Variants in KCND3 observed in about 807,000 individuals in gnomAD.
KCND3 encodes potassium voltage-gated channel subfamily D member 3.
Under a neutral mutation model 51.1 loss-of-function variants are expected in KCND3, and 9 were observed. The ratio of observed to expected loss-of-function variants is 0.18; its 90% CI spans 0.11 to 0.31. The LOEUF (loss-of-function observed/expected upper bound fraction) is 0.31, where lower values mean the gene tolerates loss of function less well. Ranked by LOEUF, KCND3 falls within the 10% of genes least tolerant of loss-of-function variation. The pLI is 1.00. For missense variants in KCND3, 526 were observed against 903.8 expected (o/e 0.58, Z 5.36); for synonymous variants, 349 against 368.0 (o/e 0.95, Z 0.59).
At chr1:111,980,843 C>T (rs1359829298) in intron 2 of KCND3, among the ~76,000 whole-genome samples, 5 of 152,228 alleles carry the variant, frequency 3.3e-5, no homozygotes, top group East Asian at 3.9e-4. Context: ...CTCGGAGAGA[C>T]GGAATTACCA....
At chr1:111,889,238 G>A (rs1221127649) in intron 2 of KCND3, among the ~76,000 whole-genome samples, 2 of 152,192 alleles carry the variant, frequency 1.3e-5, no homozygotes, top group Admixed American at 6.5e-5. Flanking sequence ...GACAGACACC[G>A]CAGCCTTGCC....
At position 111,982,630 on chromosome 1, in the gene KCND3, C is replaced by CGGCCGG; in HGVS notation, c.91_96dup (p.Pro31_Ala32dup). On this transcript the variant is annotated inframe_insertion, in exon 2 of 8. Transcript: ENST00000302127. The surrounding 1 kb of genome is among the most constrained non-coding windows in gnomAD (Gnocchi z 8.5). ...AGCTCATCCTGCCGCTTGTTCTTGT[C>CGGCCGG]GGCCGGGGCCAGGGGCATGGGGCAG... 1 of 1,613,844 alleles carries CGGCCGG rather than the reference C, an allele frequency of 6.2e-7. No individual in the cohort carries two copies. The highest frequency in any genetic ancestry group is 1.1e-5 in the South Asian group (1 of 91,062).
At chr1:111,799,031 C>T (rs373949782) in intron 2 of KCND3, among the ~76,000 whole-genome samples, 3 of 152,160 alleles carry the variant, frequency 2.0e-5, no homozygotes, top group Admixed American at 6.5e-5. Context: ...GGAGATGGAA[C>T]CTTGGGCTAA....
chr1:111,894,696 G>T (rs1382306581), intron 2 of KCND3, among the ~76,000 whole-genome samples: 1 of 152,240 alleles, frequency 6.6e-6, no homozygotes, highest in African/African-American at 2.4e-5. Context: ...GCTGCAAATG[G>T]CAGGGTCATC....
intron 2 of KCND3, among the ~76,000 whole-genome samples, chr1:111,961,962 G>A (rs952122084): frequency 3.9e-5 from 6 of 152,120 alleles, no homozygotes; most frequent in Non-Finnish European, 5.9e-5. Context: ...TCTCTGGCCC[G>A]AGTTGCTGGC....
At chr1:111,978,205 GC>G in intron 2 of KCND3, among the ~76,000 whole-genome samples, 1 of 152,356 alleles carries the variant, frequency 6.6e-6, no homozygotes, top group East Asian at 1.9e-4. Context: ...TGCTGGGAAA[GC>G]AGGCAGAGAG....
chr1:111,979,738 GT>G (rs1264253776), intron 2 of KCND3, among the ~76,000 whole-genome samples: 1 of 152,218 alleles, frequency 6.6e-6, no homozygotes, highest in Non-Finnish European at 1.5e-5. Flanking sequence ...TTGCAGGGCT[GT>G]TGTAAAAACT....
At chr1:111,783,622 G>A (rs1664481427) in intron 3 of KCND3, among the ~76,000 whole-genome samples, 1 of 152,216 alleles carries the variant, frequency 6.6e-6, no homozygotes, top group South Asian at 2.1e-4. Flanking sequence ...AAGAGAAAGA[G>A]AAAGAAATGG....
Position 111,777,186 on chromosome 1 carries a change from G to T in KCND3, c.1606C>A (p.Leu536Met). The stretch of plus-strand genomic sequence containing the variant: ...GTAGTGAGGCCTGGGTGGCTGGACA[G>T]TGAGGGACTTCTTGTGGATGGGTAG... ...QNYPSTRSPS[L>M]SSHPGLTTTC... The change falls in exon 7 of 8, where the codon CTG (leucine) becomes ATG (methionine). Residue 536 changes from leucine (L) to methionine (M), a missense_variant. By Grantham distance (15) the Leu-to-Met change is conservative (BLOSUM62 2). Transcript: ENST00000302127. 6.2e-7 allele frequency: 1 copy of T among 1,614,244 alleles called. No individual in the cohort carries two copies. Among genetic ancestry groups the T allele is most frequent in the Non-Finnish European group, 8.5e-7 (1 of 1,180,044 alleles).
intron 2 of KCND3, among the ~76,000 whole-genome samples, chr1:111,976,944 G>A (rs1334221144): frequency 6.6e-6 from 1 of 152,226 alleles, no homozygotes. Flanking sequence ...AGTGTTGAAC[G>A]AATGAAAGAT....
intron 2 of KCND3, among the ~76,000 whole-genome samples, chr1:111,840,855 C>A (rs1217154455): frequency 6.6e-6 from 1 of 152,166 alleles, no homozygotes; most frequent in African/African-American, 2.4e-5. Context: ...GCTTCCCATC[C>A]CTGCTCTTTT....
At chr1:111,822,197 C>A (rs961073119) in intron 2 of KCND3, among the ~76,000 whole-genome samples, 12 of 151,656 alleles carry the variant, frequency 7.9e-5, no homozygotes, top group Non-Finnish European at 2.9e-5. Context: ...ATATGTTTGT[C>A]GTGTAAGCAA....
At position 111,780,893 on chromosome 1, in the gene KCND3, G is replaced by T; in HGVS notation, c.1270-102C>A. On this transcript the variant is annotated intron_variant, in intron 3 of 7. Transcript: ENST00000302127. The surrounding 1 kb of genome is among the most constrained non-coding windows in gnomAD (Gnocchi z 4.2). ...GCTGGCTTCCCAGGTGACACCTGAT[G>T]AAGGGGATGAGGCTGTTTCTCTCCA... The T allele has an allele frequency of 2.2e-6, 2 of 897,750 alleles. No individual in the cohort carries two copies. The highest frequency in any genetic ancestry group is 3.6e-6 in the Non-Finnish European group (2 of 560,406). 55.6% of individuals were successfully genotyped at this position (897,750 alleles called of 1,614,324 possible).
At chr1:111,969,074 C>T (rs769690714) in intron 2 of KCND3, among the ~76,000 whole-genome samples, 8 of 151,820 alleles carry the variant, frequency 5.3e-5, no homozygotes, top group Non-Finnish European at 1.0e-4. Context: ...CCATTTCCTT[C>T]TTTTTTGTTT....
At chr1:111,785,051 AAATAAT>A (rs979993314) in intron 3 of KCND3, among the ~76,000 whole-genome samples, 1 of 152,032 alleles carries the variant, frequency 6.6e-6, no homozygotes, top group African/African-American at 2.4e-5. Context: ...CCCATCTCTA[AAATAAT>A]AATAATAATA....
In KCND3 at chr1:111,797,373, C is replaced by T. The variant is rs141568513; in HGVS notation, c.1107-10267G>A. Among the ~76,000 whole-genome samples, 230 of 152,272 alleles carry T rather than the reference C, an allele frequency of 1.5e-3. 3 individuals are homozygous for T. The East Asian group carries it at 0.03, about 20-fold the overall frequency. ...CCTGTTCATCCAGAGGGATTCCCTG[C>T]GCACTGTCTACTCCACCTACCCATA... On this transcript the variant is annotated intron_variant, in intron 2 of 7. Coordinates refer to ENST00000302127, the MANE Select transcript of KCND3 (RefSeq NM_001378969.1).
chr1:111,954,360 G>A (rs1242495531), intron 2 of KCND3, among the ~76,000 whole-genome samples: 1 of 152,162 alleles, frequency 6.6e-6, no homozygotes, highest in Admixed American at 6.5e-5. Flanking sequence ...GGCAGAGCCA[G>A]GGGATAGGAG....
At chr1:111,907,058 C>T (rs569862064) in intron 2 of KCND3, among the ~76,000 whole-genome samples, 29 of 152,320 alleles carry the variant, frequency 1.9e-4, no homozygotes, top group Non-Finnish European at 7.3e-5. Context: ...TCATTTCCCC[C>T]CTACTGTCCC....
rs1571757567 is a variant in KCND3, at chr1:111,862,251, G to A, written c.1107-75145C>T. On this transcript the variant is annotated intron_variant, in intron 2 of 7. Transcript: ENST00000302127. ...AAAGGACCAAATAGTAAATATTTCA[G>A]GCTTGCAGGCCATAGGCCTCTGTCA... Among the ~76,000 whole-genome samples, 3 of 152,254 alleles carry A rather than the reference G, an allele frequency of 2.0e-5. No individual in the cohort carries two copies. The East Asian group carries it at 5.8e-4, about 29-fold the overall frequency.
Sources: gnomAD v4.1 joint callset for allele counts (sites outside exome capture counted in the v4.1 genomes callset) on GRCh38, gnomAD v4.1.1 for gene constraint, Gnocchi (gnomAD v3.1) non-coding constraint, MANE v1.5 for transcripts, NCBI Gene and HGNC (gene_info 2026-07-23, HGNC 2026-07-21) for gene names.